FEZ1: variants seen among roughly 807,000 people sequenced by gnomAD.
The protein encoded by FEZ1 is fasciculation and elongation protein zeta-1.
FEZ1 carries 20 observed loss-of-function variants against 49.3 expected under a neutral mutation model. That is an observed-to-expected ratio of 0.41 (90% CI 0.29 to 0.59). The LOEUF (loss-of-function observed/expected upper bound fraction) is 0.59, where lower values mean the gene tolerates loss of function less well. Ranked by LOEUF, FEZ1 falls within the 20% of genes least tolerant of loss-of-function variation. The pLI, the probability that FEZ1 is intolerant of heterozygous loss-of-function variation, is 0.36. For synonymous variants in FEZ1, 170 were observed against 180.9 expected (o/e 0.94, Z 0.48); for missense variants, 413 against 476.0 (o/e 0.87, Z 1.23).
chr11:125,485,222 G>C (rs1957316235), intron 2 of FEZ1, among the ~76,000 whole-genome samples: 1 of 152,088 alleles, frequency 6.6e-6, no homozygotes, highest in African/African-American at 2.4e-5. Context: ...AACAGAAAAG[G>C]CTTTTTCAGG....
chr11:125,492,113 A>G (rs1957388403), intron 1 of FEZ1, among the ~76,000 whole-genome samples: 1 of 152,222 alleles, frequency 6.6e-6, no homozygotes, highest in South Asian at 2.1e-4. Context: ...AAAACTAATG[A>G]GGCAGTTTTT....
intron 3 of FEZ1, among the ~76,000 whole-genome samples, chr11:125,465,402 G>T (rs190804933): frequency 1.6e-3 from 242 of 152,260 alleles, no homozygotes; most frequent in African/African-American, 5.6e-3. Flanking sequence ...AGCTTCTAGG[G>T]ATAGATCCTT....
In FEZ1 at chr11:125,481,614, C is replaced by G; in HGVS notation, c.331G>C (p.Asp111His). 6.2e-7 allele frequency: 1 copy of G among 1,611,650 alleles called. No individual in the cohort carries two copies. Among genetic ancestry groups the G allele is most frequent in the South Asian group, 1.1e-5 (1 of 91,046 alleles). ...QDEEVWDALTDNYIPSLSEDW... is the reference protein window; with the variant it reads ...QDEEVWDALTHNYIPSLSEDW... Reference sequence around the variant, plus strand: ...TCTGAGAGTGAAGGGATGTAATTGTCTGTCAGAGCATCCCAAACCCTGTAA... The same window carrying G: ...TCTGAGAGTGAAGGGATGTAATTGTGTGTCAGAGCATCCCAAACCCTGTAA... The change falls in exon 3 of 10, where the codon GAC (aspartate) becomes CAC (histidine). Residue 111 changes from aspartate (D) to histidine (H), a missense_variant. Physicochemically the swap from Asp to His is moderately conservative, Grantham distance 81. Transcript: ENST00000278919.
At chr11:125,451,756 ACAC>A (rs1271675710) in intron 8 of FEZ1, among the ~76,000 whole-genome samples, 1 of 152,196 alleles carries the variant, frequency 6.6e-6, no homozygotes, top group Non-Finnish European at 1.5e-5. Flanking sequence ...GCTCTTTGTT[ACAC>A]ACTGTTTTCC....
rs1957092823 is a variant in FEZ1, at chr11:125,463,272, C to G, written c.498+212G>C. 8 of 348,278 alleles carry G rather than the reference C, an allele frequency of 2.3e-5. No homozygotes were observed. The South Asian group carries it at 2.7e-4, about 12-fold the overall frequency. The allele number at this position is 348,278 out of a possible 1,614,324, so 21.6% of individuals were successfully genotyped here. ...AATGAGCCAAGATCACGCCACTGCACTCCAGCCTGGGCAACAGAGCAAGAC... is the reference window on the plus strand; with the variant it reads ...AATGAGCCAAGATCACGCCACTGCAGTCCAGCCTGGGCAACAGAGCAAGAC... On this transcript the variant is annotated intron_variant, in intron 4 of 9. Coordinates refer to ENST00000278919, the MANE Select transcript of FEZ1 (RefSeq NM_005103.5).
intron 4 of FEZ1, among the ~76,000 whole-genome samples, chr11:125,461,029 C>G (rs1957069286): frequency 6.6e-6 from 1 of 152,152 alleles, no homozygotes; most frequent in Non-Finnish European, 1.5e-5. Flanking sequence ...AACTTTAACA[C>G]AAAACCCAGT....
At chr11:125,462,858 G>C (rs1418918872) in intron 4 of FEZ1, among the ~76,000 whole-genome samples, 1 of 151,374 alleles carries the variant, frequency 6.6e-6, no homozygotes. Flanking sequence ...AAATTAGCTG[G>C]GCATAGTGAT....
chr11:125,461,079 G>T (rs1251548630), intron 4 of FEZ1, among the ~76,000 whole-genome samples: 1 of 152,094 alleles, frequency 6.6e-6, no homozygotes, highest in African/African-American at 2.4e-5. Context: ...AAAAAATAGC[G>T]TGCTCCTAGA....
At chr11:125,469,115 C>T (rs1389777258) in intron 3 of FEZ1, 1 of 152,264 alleles carries the variant, frequency 6.6e-6, no homozygotes, top group Non-Finnish European at 1.5e-5. Flanking sequence ...TTATTCTGTC[C>T]ATCAAGCCAT....
chr11:125,473,302 A>C (rs1313927853), intron 3 of FEZ1, among the ~76,000 whole-genome samples: 1 of 152,234 alleles, frequency 6.6e-6, no homozygotes, highest in Non-Finnish European at 1.5e-5. Flanking sequence ...GGGAAGGAAT[A>C]AGATTTTCAA....
At position 125,458,331 on chromosome 11, in the gene FEZ1, C is replaced by T. The variant is rs748154188; in HGVS notation, c.667+2167G>A. Among the ~76,000 whole-genome samples the T allele has an allele frequency of 9.2e-5, 14 of 152,304 alleles. No individual in the cohort carries two copies. In the South Asian group the frequency reaches 1.4e-3, roughly 16 times the overall value. On this transcript the variant is annotated intron_variant, in intron 5 of 9. Coordinates refer to ENST00000278919, the MANE Select transcript of FEZ1 (RefSeq NM_005103.5). ...TGCAGCGTGGGCATTTGATACCCTA[C>T]GGCTGGTGAATTGTTCTGCCTTTGC... is the stretch of plus-strand genomic sequence containing the variant.
chr11:125,489,499 G>T lies in FEZ1; in HGVS notation c.279C>A (p.Ile93=), dbSNP rs1957361374. The T allele has an allele frequency of 1.2e-6, 2 of 1,613,934 alleles. No individual in the cohort carries two copies. Among genetic ancestry groups the T allele is most frequent in the South Asian group, 2.2e-5 (2 of 91,016 alleles). Reference sequence around the variant, plus strand: ...CCTGAAGGGTCTCCTCCTCCTCTTGGATCTGTAACTGGTTCTTCACGGGAG... The same window carrying T: ...CCTGAAGGGTCTCCTCCTCCTCTTGTATCTGTAACTGGTTCTTCACGGGAG... ...NLAPVKNQLQ[I]QEEEETLQDE... is the part of the protein sequence containing the mutation. Residue 93 remains isoleucine (I), a synonymous_variant, in exon 2 of 10, where the codon ATC becomes ATA. Coordinates refer to ENST00000278919, the MANE Select transcript of FEZ1 (RefSeq NM_005103.5). This position sits in a 1 kb window ranked among gnomAD's most constrained non-coding sequence, Gnocchi z 4.2.
At chr11:125,447,651 G>A (rs765187601) in intron 9 of FEZ1, among the ~76,000 whole-genome samples, 7 of 151,936 alleles carry the variant, frequency 4.6e-5, no homozygotes, top group South Asian at 2.1e-4. Context: ...GTGAAACCCC[G>A]TCTCTACTAA....
At chr11:125,468,958 C>G (rs1391830293) in intron 3 of FEZ1, 1 of 152,238 alleles carries the variant, frequency 6.6e-6, no homozygotes, top group African/African-American at 2.4e-5. Context: ...ACTGGAGGTT[C>G]TGGACTCAGA....
chr11:125,483,153 T>C (rs971358388), intron 2 of FEZ1, among the ~76,000 whole-genome samples: 4 of 151,950 alleles, frequency 2.6e-5, no homozygotes, highest in Non-Finnish European at 5.9e-5. Flanking sequence ...ACACTTGAAA[T>C]CAGAAAGTAA....
Position 125,444,211 on chromosome 11 carries a change from C to G in FEZ1, c.*1884G>C. On this transcript the variant is annotated 3_prime_UTR_variant, in exon 10 of 10. Coordinates refer to ENST00000278919, the MANE Select transcript of FEZ1 (RefSeq NM_005103.5). ...CTCTGGGCAGATGCCTGGACTAGAGCTTTAGGCATTGCAGCAGTTTTCCTG... is the reference window on the plus strand; with the variant it reads ...CTCTGGGCAGATGCCTGGACTAGAGGTTTAGGCATTGCAGCAGTTTTCCTG... Among the ~76,000 whole-genome samples the G allele has an allele frequency of 6.6e-6, 1 of 152,180 alleles. No homozygotes were observed. Among genetic ancestry groups the G allele is most frequent in the East Asian group, 1.9e-4 (1 of 5,198 alleles).
rs10524234 is a variant in FEZ1, at chr11:125,495,799, G to GAC, written c.-46+320_-46+321dup. ...GCACACACGCGGGCACACACACGCG[G>GAC]ACACACACACACACACACACACACA... On this transcript the variant is annotated intron_variant, in intron 1 of 9. Transcript: ENST00000278919. This position sits in a 1 kb window ranked among gnomAD's most constrained non-coding sequence, Gnocchi z 4.2. 4,383 of 309,664 alleles carry GAC rather than the reference G, an allele frequency of 0.014. 39 individuals are homozygous for GAC. Among genetic ancestry groups the GAC allele is most frequent in the Middle Eastern group, 0.031 (27 of 868 alleles). The allele number at this position is 309,664 out of a possible 1,614,324, so 19.2% of individuals were successfully genotyped here. A position where few individuals can be genotyped will look rare whatever the true frequency, so the allele number is the denominator to read the frequency against.
chr11:125,491,204 T>G (rs1957378528), intron 1 of FEZ1, among the ~76,000 whole-genome samples: 1 of 152,204 alleles, frequency 6.6e-6, no homozygotes, highest in Non-Finnish European at 1.5e-5. Context: ...CACTGCACCC[T>G]GGAACGCTGC....
intron 6 of FEZ1, among the ~76,000 whole-genome samples, chr11:125,455,250 G>T (rs35102191): frequency 0.34 from 51,510 of 151,610 alleles, 8,937 homozygotes; most frequent in South Asian, 0.49. Context: ...AATAATCCAG[G>T]AGTGGTGGCA....
Sources: gnomAD v4.1 joint callset for allele counts (sites outside exome capture counted in the v4.1 genomes callset) on GRCh38, gnomAD v4.1.1 for gene constraint, Gnocchi (gnomAD v3.1) non-coding constraint, MANE v1.5 for transcripts, NCBI Gene and HGNC (gene_info 2026-07-23, HGNC 2026-07-21) for gene names.